LHPP: variants seen among roughly 807,000 people sequenced by gnomAD.
LHPP encodes the protein hLHPP.
Under a neutral mutation model 30.3 loss-of-function variants are expected in LHPP, and 24 were observed. That is an observed-to-expected ratio of 0.79 (90% CI 0.57 to 1.11). The LOEUF is 1.11. Ranked by LOEUF, LHPP falls within the 50% of genes most tolerant of loss-of-function variation. The pLI, the probability that LHPP is intolerant of heterozygous loss-of-function variation, is 0.00. For synonymous variants in LHPP, 150 were observed against 157.1 expected, an observed-to-expected ratio of 0.95 and a Z score of 0.34; for missense variants, 356 against 367.2, an observed-to-expected ratio of 0.97 and a Z score of 0.25.
chr10:124,550,715 C>T (rs553230006), intron 6 of LHPP, among the ~76,000 whole-genome samples: 1 of 152,342 alleles, frequency 6.6e-6, no homozygotes, highest in South Asian at 2.1e-4. Flanking sequence ...GACTCACTTC[C>T]CCTCTCCAGG....
intron 6 of LHPP, among the ~76,000 whole-genome samples, chr10:124,536,352 C>T (rs373943017): frequency 7.9e-5 from 12 of 152,214 alleles, no homozygotes; most frequent in African/African-American, 2.4e-4. Context: ...AAAGAGGAAG[C>T]GGTAGTGTTC....
intron 6 of LHPP, among the ~76,000 whole-genome samples, chr10:124,544,182 T>A (rs1191282205): frequency 6.6e-6 from 1 of 152,074 alleles, no homozygotes; most frequent in Non-Finnish European, 1.5e-5. Flanking sequence ...GACAGACGGG[T>A]ATGTGCCTCA....
At chr10:124,504,454 G>A (rs1457677813) in intron 5 of LHPP, among the ~76,000 whole-genome samples, 44 of 76,764 alleles carry the variant, frequency 5.7e-4, no homozygotes, top group East Asian at 9.4e-4. Context: ...AAAAAAAAAA[G>A]GCAGATGTGG....
intron 6 of LHPP, among the ~76,000 whole-genome samples, chr10:124,569,612 G>A (rs1485399731): frequency 2.6e-5 from 4 of 152,202 alleles, no homozygotes; most frequent in Non-Finnish European, 5.9e-5. Flanking sequence ...TTTGCCGAGT[G>A]GCTTACTGCA....
At chr10:124,470,031 G>A (rs1175602949) in intron 1 of LHPP, among the ~76,000 whole-genome samples, 1 of 152,222 alleles carries the variant, frequency 6.6e-6, no homozygotes, top group Non-Finnish European at 1.5e-5. Flanking sequence ...TGCTGCTCTA[G>A]GACTTGTGGG....
intron 6 of LHPP, among the ~76,000 whole-genome samples, chr10:124,554,810 CTT>C (rs934353332): frequency 9.2e-5 from 14 of 152,252 alleles, no homozygotes; most frequent in African/African-American, 3.4e-4. Context: ...TTTCCAAAGA[CTT>C]TGCAACTCTG....
rs749172363 is a variant in LHPP at position 124,488,527 on chromosome 10, A to G, written c.419A>G (p.Gln140Arg). 2 of 1,613,968 alleles carry G rather than the reference A, an allele frequency of 1.2e-6. No homozygotes were observed. Among genetic ancestry groups the G allele is most frequent in the Non-Finnish European group, 1.7e-6 (2 of 1,179,990 alleles). ...FSYQNMNNAFQVLMELEKPVL... is the reference protein window; with the variant it reads ...FSYQNMNNAFRVLMELEKPVL... ...TATCAAAACATGAATAACGCCTTCC[A>G]GGTGCTCATGGAGCTGGAAAAACCT... The change falls in exon 3 of 7, where the codon CAG (glutamine) becomes CGG (arginine). Residue 140 changes from glutamine to arginine, a missense_variant. Gln to Arg is a conservative substitution (Grantham distance 43). Coordinates refer to ENST00000368842, the MANE Select transcript of LHPP (RefSeq NM_022126.4).
At chr10:124,613,233 G>C (rs755302842) in intron 6 of LHPP, 31 bp from the exon 7 acceptor site, 1 of 1,528,120 alleles carries the variant, frequency 6.5e-7, no homozygotes, top group Non-Finnish European at 9.1e-7. Context: ...CAGCGTGGGG[G>C]CACTGACTAA....
At chr10:124,609,539 C>T (rs565023083) in intron 6 of LHPP, among the ~76,000 whole-genome samples, 157 of 152,300 alleles carry the variant, frequency 1.0e-3, no homozygotes, top group African/African-American at 3.5e-3. Flanking sequence ...CTACCACGCC[C>T]GGCCCATATG....
intron 6 of LHPP, among the ~76,000 whole-genome samples, chr10:124,519,361 A>T (rs555835760): frequency 3.3e-5 from 5 of 152,282 alleles, no homozygotes; most frequent in African/African-American, 1.2e-4. Context: ...ATGGGATGAT[A>T]TTGTTTTGCA....
Position 124,593,017 on chromosome 10 carries a change from G to A in LHPP, c.717-20247G>A, listed in dbSNP as rs1948900152. Among the ~76,000 whole-genome samples, 1 of 152,196 alleles carries A rather than the reference G, an allele frequency of 6.6e-6. No individual in the cohort carries two copies. The highest frequency in any genetic ancestry group is 1.5e-5 in the Non-Finnish European group (1 of 68,036). ...TGACGTTGCAGCTATGATTGATGAG[G>A]TGGCCTCAGTCGGCGTTTCGGGGAA... On this transcript the variant is annotated intron_variant, in intron 6 of 6. Coordinates refer to ENST00000368842, the MANE Select transcript of LHPP (RefSeq NM_022126.4). The surrounding 1 kb of genome is among the most constrained non-coding windows in gnomAD (Gnocchi z 4.9).
intron 6 of LHPP, among the ~76,000 whole-genome samples, chr10:124,546,564 G>A (rs548994730): frequency 9.9e-5 from 15 of 151,948 alleles, no homozygotes; most frequent in Non-Finnish European, 1.5e-4. Flanking sequence ...CACCACGCCC[G>A]GCTAATTTTT....
chr10:124,484,434 G>A lies in LHPP; in HGVS notation c.313+108G>A, dbSNP rs1953253413. ...CTGGGCCAAACCACTGACTGAGCTAGGCCACCAACACTCATGGGTTGGGGG... is the reference window on the plus strand; with the variant it reads ...CTGGGCCAAACCACTGACTGAGCTAAGCCACCAACACTCATGGGTTGGGGG... On this transcript the variant is annotated intron_variant, in intron 2 of 6. Transcript: ENST00000368842. The A allele has an allele frequency of 3.7e-6, 4 of 1,093,872 alleles. No homozygotes were observed. The South Asian group carries it at 5.9e-5, about 16-fold the overall frequency. The allele number at this position is 1,093,872 out of a possible 1,614,324, so 67.8% of individuals were successfully genotyped here.
chr10:124,484,277 C>G lies in LHPP; in HGVS notation c.264C>G (p.Cys88Trp). ...TGACCGCCCCGGCACCAGCTGCCTGCCAGATCCTGAAGGAGCAAGGCCTGC... is the reference window on the plus strand; with the variant it reads ...TGACCGCCCCGGCACCAGCTGCCTGGCAGATCCTGAAGGAGCAAGGCCTGC... ...QEVTAPAPAA[C>W]QILKEQGLRP... The change falls in exon 2 of 7, where the codon TGC becomes TGG. Residue 88 changes from cysteine (C) to tryptophan (W), a missense_variant. Physicochemically the swap from Cys to Trp is radical, Grantham distance 215. Coordinates refer to ENST00000368842, the MANE Select transcript of LHPP (RefSeq NM_022126.4). 2.5e-6 allele frequency: 4 copies of G among 1,614,018 alleles called. No individual in the cohort carries two copies. The highest frequency in any genetic ancestry group is 1.1e-5 in the South Asian group (1 of 91,082).
intron 6 of LHPP, among the ~76,000 whole-genome samples, chr10:124,586,241 C>T (rs1056191274): frequency 6.6e-6 from 1 of 151,932 alleles, no homozygotes; most frequent in African/African-American, 2.4e-5. Context: ...GTAGATGGAT[C>T]CCTGCGTCCC....
Position 124,496,788 on chromosome 10 carries a change from TC to T in LHPP, c.468-172del, listed in dbSNP as rs2133871942. On this transcript the variant is annotated intron_variant, in intron 3 of 6. Coordinates refer to ENST00000368842, the MANE Select transcript of LHPP (RefSeq NM_022126.4). The surrounding 1 kb of genome is among the most constrained non-coding windows in gnomAD (Gnocchi z 4.3). Reference sequence around the variant, plus strand: ...TGGGTGTGGCGGCCTGCCGCCCGGCTCTGTGGTGCTGGTCCCCTGCGGTCAT... The same window carrying T: ...TGGGTGTGGCGGCCTGCCGCCCGGCTTGTGGTGCTGGTCCCCTGCGGTCAT... 6.6e-6 allele frequency among the ~76,000 whole-genome samples: 1 copy of T among 152,320 alleles called. No individual in the cohort carries two copies. Among genetic ancestry groups the T allele is most frequent in the Non-Finnish European group, 1.5e-5 (1 of 68,026 alleles).
At chr10:124,577,226 G>A (rs1003123778) in intron 6 of LHPP, among the ~76,000 whole-genome samples, 1 of 152,112 alleles carries the variant, frequency 6.6e-6, no homozygotes, top group African/African-American at 2.4e-5. Context: ...CTGTGTGTCT[G>A]ATGGCCGAGG....
In LHPP at chr10:124,468,355, G is replaced by A. The variant is rs538326019; in HGVS notation, c.125+6368G>A. ...CTAACAGCAATGTAATAACAATCCC[G>A]AAATACACCACAGCCTGTTATGTAG... On this transcript the variant is annotated intron_variant, in intron 1 of 6. Coordinates refer to ENST00000368842, the MANE Select transcript of LHPP (RefSeq NM_022126.4). Among the ~76,000 whole-genome samples the A allele has an allele frequency of 5.9e-5, 9 of 152,258 alleles. No individual in the cohort carries two copies. The East Asian group carries it at 9.6e-4, about 16-fold the overall frequency.
chr10:124,597,223 G>A (rs1475669420), intron 6 of LHPP, among the ~76,000 whole-genome samples: 5 of 152,166 alleles, frequency 3.3e-5, no homozygotes, highest in Non-Finnish European at 7.4e-5. Flanking sequence ...ACGGTCTGTC[G>A]TGGGACCCGC....
Sources: allele counts gnomAD v4.1 joint callset (sites outside exome capture counted in the v4.1 genomes callset), GRCh38; gene constraint gnomAD v4.1.1; non-coding constraint Gnocchi (gnomAD v3.1); transcripts MANE v1.5; gene names NCBI Gene and HGNC (gene_info 2026-07-23, HGNC 2026-07-21).